Variants in HDAC9 observed in about 807,000 individuals in gnomAD.
HDAC9 encodes MEF-2 interacting transcription repressor (MITR) protein.
In HDAC9, 41 loss-of-function variants were observed where a neutral mutation model predicts 139.4. The ratio of observed to expected loss-of-function variants is 0.29; its 90% CI spans 0.23 to 0.38. The LOEUF (loss-of-function observed/expected upper bound fraction) is 0.38. Among genes scored for constraint, HDAC9 ranks in the 10% least tolerant of loss-of-function variants. The probability of loss-of-function intolerance (pLI) is 1.00; values close to 1 mark genes in which losing one functional copy is unlikely to be tolerated. For missense variants in HDAC9, 1,147 were observed against 1,297.0 expected, an observed-to-expected ratio of 0.88 and a Z score of 1.78; for synonymous variants, 517 against 476.2, an observed-to-expected ratio of 1.09 and a Z score of -1.12.
intron 16 of HDAC9, among the ~76,000 whole-genome samples, chr7:18,788,404 A>G (rs1208455502): frequency 1.9e-4 from 29 of 151,812 alleles, no homozygotes; most frequent in Non-Finnish European, 1.5e-5. Context: ...TTTTCATACC[A>G]CTCTGCAGAC....
intron 8 of HDAC9, among the ~76,000 whole-genome samples, chr7:18,640,357 T>TAAAAAAA (rs56655676): frequency 7.6e-5 from 5 of 66,080 alleles, no homozygotes; most frequent in Non-Finnish European, 1.1e-4. Context: ...GATCCTGTCT[T>TAAAAAAA]AAAAAAAAAA....
intron 2 of HDAC9, among the ~76,000 whole-genome samples, chr7:18,192,617 G>C (rs1178996549): frequency 2.6e-5 from 4 of 152,128 alleles, no homozygotes; most frequent in Non-Finnish European, 4.4e-5. Flanking sequence ...AGTATTTGGG[G>C]ATGGTAGGTA....
intron 23 of HDAC9, among the ~76,000 whole-genome samples, chr7:18,939,992 G>C (rs1270032648): frequency 6.6e-6 from 1 of 152,156 alleles, no homozygotes. Context: ...CAGAGGATTA[G>C]AATTCATAAA....
chr7:18,396,807 A>G (rs868040048), intron 1 of HDAC9, among the ~76,000 whole-genome samples: 1 of 152,166 alleles, frequency 6.6e-6, no homozygotes, highest in African/African-American at 2.4e-5. Context: ...TTATCCCACA[A>G]GTTCTCCTGA....
chr7:18,651,264 G>A (rs1392080492), intron 11 of HDAC9, among the ~76,000 whole-genome samples: 1 of 152,054 alleles, frequency 6.6e-6, no homozygotes, highest in Admixed American at 6.6e-5. Flanking sequence ...CATTTCCATG[G>A]ATGAACCTTT....
intron 2 of HDAC9, among the ~76,000 whole-genome samples, chr7:18,533,059 T>C (rs1452302173): frequency 6.6e-6 from 1 of 152,232 alleles, no homozygotes; most frequent in African/African-American, 2.4e-5. Context: ...ATATGACTAG[T>C]CAAATGTTTA....
At chr7:18,364,959 G>C (rs1784066089) in intron 1 of HDAC9, among the ~76,000 whole-genome samples, 1 of 152,116 alleles carries the variant, frequency 6.6e-6, no homozygotes, top group African/African-American at 2.4e-5. Context: ...TCTGTGTGCA[G>C]GTGGAGCTGA....
intron 1 of HDAC9, among the ~76,000 whole-genome samples, chr7:18,132,357 T>C (rs925179562): frequency 6.6e-6 from 1 of 152,200 alleles, no homozygotes; most frequent in Non-Finnish European, 1.5e-5. Context: ...TTGTCATATC[T>C]GAATATATTC....
intron 6 of HDAC9, among the ~76,000 whole-genome samples, chr7:18,616,720 A>C (rs2128926984): frequency 2.0e-5 from 3 of 152,282 alleles, no homozygotes; most frequent in Admixed American, 2.0e-4. Flanking sequence ...GAAGGTTCTG[A>C]AACAGGACAA....
At chr7:18,163,664 C>T (rs374925906) in intron 2 of HDAC9, among the ~76,000 whole-genome samples, 28 of 152,260 alleles carry the variant, frequency 1.8e-4, no homozygotes, top group African/African-American at 5.3e-4. Flanking sequence ...CTGTGAGCGG[C>T]ATTGCTTATT....
At chr7:18,137,546 G>C (rs1244469795) in intron 1 of HDAC9, among the ~76,000 whole-genome samples, 1 of 151,818 alleles carries the variant, frequency 6.6e-6, no homozygotes, top group African/African-American at 2.4e-5. Context: ...GGCCTTTTCT[G>C]CATCTATTGA....
chr7:18,734,757 T>G (rs1210381834), intron 13 of HDAC9, among the ~76,000 whole-genome samples: 1 of 152,244 alleles, frequency 6.6e-6, no homozygotes, highest in Admixed American at 6.5e-5. Flanking sequence ...TACCCAGTAA[T>G]GGGATCACTA....
chr7:18,724,734 G>A (rs1243982105), intron 12 of HDAC9, among the ~76,000 whole-genome samples: 2 of 152,148 alleles, frequency 1.3e-5, no homozygotes, highest in African/African-American at 4.8e-5. Context: ...TGACCAAAAT[G>A]TTGTTATGGA....
chr7:18,482,503 T>C (rs528409969), intron 1 of HDAC9, among the ~76,000 whole-genome samples: 2 of 151,580 alleles, frequency 1.3e-5, no homozygotes, highest in Non-Finnish European at 2.9e-5. Flanking sequence ...TGTCTTGATC[T>C]CAGTTATCTT....
At chr7:18,909,222 G>A (rs1410277625) in intron 22 of HDAC9, among the ~76,000 whole-genome samples, 2 of 151,906 alleles carry the variant, frequency 1.3e-5, no homozygotes, top group African/African-American at 2.4e-5. Context: ...CTGATCAATT[G>A]TCCATTTTTA....
At chr7:18,716,110 CCT>C (rs1485521546) in intron 12 of HDAC9, among the ~76,000 whole-genome samples, 3 of 152,188 alleles carry the variant, frequency 2.0e-5, no homozygotes, top group Admixed American at 6.5e-5. Context: ...TCAAACGAAA[CCT>C]CTTTTTCCCC....
intron 1 of HDAC9, among the ~76,000 whole-genome samples, chr7:18,129,924 A>T (rs1374680349): frequency 6.6e-6 from 1 of 152,144 alleles, no homozygotes; most frequent in Non-Finnish European, 1.5e-5. Flanking sequence ...TCTAGAATGG[A>T]TATATTTAAA....
rs1286153584 is a variant in HDAC9 at position 18,563,322 on chromosome 7, A to G, written c.23-21959A>G. On this transcript the variant is annotated intron_variant, in intron 2 of 25. Coordinates refer to ENST00000686413, the MANE Select transcript of HDAC9 (RefSeq NM_178425.4). ...TATTATACCTTGAAAATGTCTCTCA[A>G]AGTCATCTTTTTTTTTCCATCCTGT... is the stretch of plus-strand genomic sequence containing the variant. 5.9e-5 allele frequency among the ~76,000 whole-genome samples: 9 copies of G among 152,070 alleles called. No homozygotes were observed. The East Asian group carries it at 1.5e-3, about 26-fold the overall frequency.
chr7:18,958,366 A>T (rs752668926), intron 24 of HDAC9, among the ~76,000 whole-genome samples: 28 of 152,170 alleles, frequency 1.8e-4, no homozygotes, highest in Non-Finnish European at 3.5e-4. Context: ...CTTTCTGAAG[A>T]CTTATCAGAA....
Sources: gnomAD v4.1 joint callset for allele counts (sites outside exome capture counted in the v4.1 genomes callset) on GRCh38, gnomAD v4.1.1 for gene constraint, MANE v1.5 for transcripts, NCBI Gene and HGNC (gene_info 2026-07-23, HGNC 2026-07-21) for gene names.